GMFG: variants seen among roughly 807,000 people sequenced by gnomAD.
GMFG encodes the protein glia maturation factor gamma.
GMFG carries 21 observed loss-of-function variants against 26.1 expected under a neutral mutation model. The ratio of observed to expected loss-of-function variants is 0.80; its 90% CI spans 0.57 to 1.16. GMFG has a LOEUF of 1.16. GMFG is among the 50% of genes most tolerant of loss of function. The pLI, the probability that GMFG is intolerant of heterozygous loss-of-function variation, is 0.00. For missense variants in GMFG, 161 were observed against 178.3 expected, an observed-to-expected ratio of 0.90 and a Z score of 0.55; for synonymous variants, 65 against 60.8, an observed-to-expected ratio of 1.07 and a Z score of -0.32.
intron 3 of GMFG, among the ~76,000 whole-genome samples, chr19:39,334,541 T>G (rs1315942306): frequency 6.6e-6 from 1 of 152,158 alleles, no homozygotes; most frequent in Non-Finnish European, 1.5e-5. Context: ...GCGCTGGGAT[T>G]ACAGGCATGA....
At chr19:39,330,346 G>T (rs2075221447) in intron 4 of GMFG, among the ~76,000 whole-genome samples, 1 of 152,150 alleles carries the variant, frequency 6.6e-6, no homozygotes, top group Admixed American at 6.6e-5. Flanking sequence ...GGTATAAAAT[G>T]AAAATGTGGG....
intron 4 of GMFG, among the ~76,000 whole-genome samples, chr19:39,329,889 G>A (rs1190950035): frequency 2.0e-5 from 3 of 152,104 alleles, no homozygotes; most frequent in African/African-American, 4.8e-5. Flanking sequence ...GACCAGCCTG[G>A]CCAACATGGT....
intron 4 of GMFG, among the ~76,000 whole-genome samples, chr19:39,330,076 T>C (rs2075220428): frequency 6.6e-6 from 1 of 152,074 alleles, no homozygotes; most frequent in Admixed American, 6.6e-5. Context: ...TGGAACTCCA[T>C]CTCAAATAAT....
At chr19:39,333,197 C>CA in intron 3 of GMFG, 71 bp from the exon 4 acceptor site, 2 of 863,296 alleles carry the variant, frequency 2.3e-6, no homozygotes, top group Non-Finnish European at 3.6e-6. Context: ...GTAATCCCAG[C>CA]ACTTTGGGAG....
intron 3 of GMFG, among the ~76,000 whole-genome samples, chr19:39,334,126 C>G (rs1319002885): frequency 6.7e-6 from 1 of 150,274 alleles, no homozygotes; most frequent in Non-Finnish European, 1.5e-5. Context: ...ACGCCATTCT[C>G]CTGCCTCAGC....
chr19:39,328,513 C>CTCAGTGAGGTCA lies in GMFG; in HGVS notation c.381_392dup (p.Asp127_Thr130dup). 1 of 1,613,476 alleles carries CTCAGTGAGGTCA rather than the reference C, an allele frequency of 6.2e-7. No individual in the cohort carries two copies. On this transcript the variant is annotated inframe_insertion, in exon 7 of 7. Coordinates refer to ENST00000597595, the MANE Select transcript of GMFG (RefSeq NM_004877.4). ...AAGACAACTTTTCTTGGAGCCAGGC[C>CTCAGTGAGGTCA]TCAGTGAGGTCATCAGTGGTGCGGA...
chr19:39,329,497 C>G (rs778824916), intron 5 of GMFG, 47 bp downstream of exon 5: 1 of 1,097,390 alleles, frequency 9.1e-7, no homozygotes, highest in Non-Finnish European at 1.4e-6. Context: ...AACACACACA[C>G]ACAGAATCGA....
chr19:39,333,472 C>T (rs1044384051), intron 3 of GMFG, among the ~76,000 whole-genome samples: 2 of 150,634 alleles, frequency 1.3e-5, no homozygotes, highest in Admixed American at 6.7e-5. Flanking sequence ...CAGGCGTGTT[C>T]AGGAGGCTGA....
Position 39,328,422 on chromosome 19 carries a change from G to A in GMFG, c.*55C>T. 2 of 1,169,130 alleles carry A rather than the reference G, an allele frequency of 1.7e-6. No homozygotes were observed. Among genetic ancestry groups the A allele is most frequent in the Non-Finnish European group, 2.6e-6 (2 of 774,354 alleles). 72.4% of individuals were successfully genotyped at this position (1,169,130 alleles called of 1,614,324 possible). A position where few individuals can be genotyped will look rare whatever the true frequency, so the allele number is the denominator to read the frequency against. ...GTTGTTCAGGTCCTAGGGGTTCCAA[G>A]TCCCCAGTCACCTTGAGGACTCAGA... is the stretch of plus-strand genomic sequence containing the variant. On this transcript the variant is annotated 3_prime_UTR_variant, in exon 7 of 7. Coordinates refer to ENST00000597595, the MANE Select transcript of GMFG (RefSeq NM_004877.4).
At chr19:39,335,658 T>C (rs925754708) in intron 1 of GMFG, 127 bp from the exon 2 acceptor site, 20 of 731,634 alleles carry the variant, frequency 2.7e-5, no homozygotes, top group East Asian at 1.0e-4. Flanking sequence ...TTTGTGAACA[T>C]TGAGAAAAGG....
At chr19:39,332,820 A>T (rs796794840) in intron 4 of GMFG, 4 of 284,834 alleles carry the variant, frequency 1.4e-5, no homozygotes, top group African/African-American at 9.4e-5. Context: ...CACCACGCCC[A>T]GTTAATTTTT....
intron 4 of GMFG, among the ~76,000 whole-genome samples, chr19:39,331,468 T>G (rs1455987666): frequency 6.6e-6 from 1 of 152,206 alleles, no homozygotes; most frequent in Admixed American, 6.5e-5. Context: ...TCCTACAGCC[T>G]CTAATCCTAG....
intron 4 of GMFG, among the ~76,000 whole-genome samples, chr19:39,330,424 G>A (rs1483267937): frequency 2.0e-5 from 3 of 151,744 alleles, no homozygotes; most frequent in South Asian, 4.2e-4. Flanking sequence ...ACTGATCATC[G>A]TCTTTTTTTT....
chr19:39,335,605 A>G, intron 1 of GMFG, 74 bp from the exon 2 acceptor site: 1 of 999,468 alleles, frequency 1.0e-6, no homozygotes, highest in East Asian at 2.4e-5. Context: ...CTGTTTCTCC[A>G]TCCACTAATG....
chr19:39,335,931 A>G, intron 1 of GMFG, 43 bp downstream of exon 1: 1 of 1,267,436 alleles, frequency 7.9e-7, no homozygotes, highest in Non-Finnish European at 1.2e-6. Context: ...CCCCAGCCCC[A>G]ACCCCAGCCC....
At chr19:39,331,893 G>T (rs976586701) in intron 4 of GMFG, among the ~76,000 whole-genome samples, 6 of 152,058 alleles carry the variant, frequency 3.9e-5, no homozygotes, top group African/African-American at 1.4e-4. Flanking sequence ...ACAGGGTCTT[G>T]CTCTGTCACC....
rs1229139019 is a variant in GMFG at position 39,333,131 on chromosome 19, G to C, written c.151-5C>G. ...GAGCTCCTCTGGGGAAATGTTCTGA[G>C]GCAAGAAAACAGAAGAAAAGACAAA... On this transcript the variant is annotated splice_region_variant and splice_polypyrimidine_tract_variant and intron_variant, in intron 3 of 6. Transcript: ENST00000597595. 6.3e-7 allele frequency: 1 copy of C among 1,577,976 alleles called. No individual in the cohort carries two copies. The highest frequency in any genetic ancestry group is 1.7e-5 in the Admixed American group (1 of 58,532).
chr19:39,328,857 G>T, intron 6 of GMFG, 143 bp downstream of exon 6: 1 of 688,364 alleles, frequency 1.5e-6, no homozygotes, highest in East Asian at 2.7e-5. Flanking sequence ...CAGCCTGGAT[G>T]ACAGAGCGAG....
At chr19:39,334,306 G>A (rs1330279036) in intron 3 of GMFG, among the ~76,000 whole-genome samples, 1 of 151,926 alleles carries the variant, frequency 6.6e-6, no homozygotes, top group African/African-American at 2.4e-5. Context: ...GTGAGCCACG[G>A]CACCCAGCCG....
Sources: gnomAD v4.1 joint callset for allele counts (sites outside exome capture counted in the v4.1 genomes callset) on GRCh38, gnomAD v4.1.1 for gene constraint, MANE v1.5 for transcripts, NCBI Gene and HGNC (gene_info 2026-07-23, HGNC 2026-07-21) for gene names.